KHNYN: variants seen among roughly 807,000 people sequenced by gnomAD.
KHNYN encodes protein KHNYN.
Under a neutral mutation model 62.7 loss-of-function variants are expected in KHNYN, and 42 were observed. The observed-to-expected ratio is 0.67, with a 90% CI of 0.52 to 0.87. KHNYN has a LOEUF of 0.87. KHNYN is among the 40% of genes least tolerant of loss of function. The probability of loss-of-function intolerance (pLI) is 0.00; values close to 1 mark genes in which losing one functional copy is unlikely to be tolerated. For missense variants in KHNYN, 829 were observed against 874.1 expected (o/e 0.95, Z 0.65); for synonymous variants, 347 against 345.6 (o/e 1.00, Z -0.04).
Position 24,440,376 on chromosome 14 carries a change from C to T in KHNYN, c.*3091C>T. 5 of 1,614,006 alleles carry T rather than the reference C, an allele frequency of 3.1e-6. No homozygotes were observed. In the East Asian group the frequency reaches 1.1e-4, roughly 36 times the overall value. ...GCATGGGTCAGGATTCCTGCCAGGT[C>T]CCCGATGTGTATCCAGGGGAAGAAT... On this transcript the variant is annotated 3_prime_UTR_variant, in exon 8 of 8. Transcript: ENST00000553935.
chr14:24,436,215 T>C (rs2043201905), intron 6 of KHNYN, 36 bp downstream of exon 6: 1 of 1,565,948 alleles, frequency 6.4e-7, no homozygotes, highest in South Asian at 1.1e-5. Context: ...TGGGCACAGA[T>C]GCAGATGTTT....
chr14:24,440,093 A>G lies in KHNYN; in HGVS notation c.*2808A>G, dbSNP rs753273263. ...CTTGCCACGACCTACTTAGGCTACAATTTCCTTTAAGGCAGCCCCTAGCTC... is the reference window on the plus strand; with the variant it reads ...CTTGCCACGACCTACTTAGGCTACAGTTTCCTTTAAGGCAGCCCCTAGCTC... On this transcript the variant is annotated 3_prime_UTR_variant, in exon 8 of 8. Transcript: ENST00000553935. 8.8e-6 allele frequency: 14 copies of G among 1,598,160 alleles called. No individual in the cohort carries two copies. Among genetic ancestry groups the G allele is most frequent in the South Asian group, 1.1e-5 (1 of 89,730 alleles).
rs2043329243 is a variant in KHNYN, at chr14:24,441,217, C to CT, written c.*3933dup. 1 of 509,124 alleles carries CT rather than the reference C, an allele frequency of 2.0e-6. No individual in the cohort carries two copies. Among genetic ancestry groups the CT allele is most frequent in the African/African-American group, 1.9e-5 (1 of 51,922 alleles). 31.5% of individuals were successfully genotyped at this position (509,124 alleles called of 1,614,324 possible). The stretch of plus-strand genomic sequence containing the variant: ...ATCAGCTCCCTCATTTATTAACTCT[C>CT]TGACTTGATGCAAGTTACTTAACCT... On this transcript the variant is annotated 3_prime_UTR_variant, in exon 8 of 8. Transcript: ENST00000553935.
chr14:24,437,145 C>G lies in KHNYN; in HGVS notation c.1897C>G (p.Arg633Gly). 5 of 1,614,176 alleles carry G rather than the reference C, an allele frequency of 3.1e-6. No homozygotes were observed. The highest frequency in any genetic ancestry group is 1.1e-5 in the South Asian group (1 of 91,074). ...AGGTAGTGGTGGCATTCGGAAGACC[C>G]GGGAAACAGAGCGGCTCCGGCGGCA... ...EKGSGGIRKT[R>G]ETERLRRQLL... Residue 633 changes from arginine to glycine, a missense_variant, in exon 8 of 8, where the codon CGG (arginine) becomes GGG (glycine). By Grantham distance (125) the Arg-to-Gly change is moderately radical (BLOSUM62 -2). Transcript: ENST00000553935. The surrounding 1 kb of genome is among the most constrained non-coding windows in gnomAD (Gnocchi z 5.5).
At chr14:24,427,373 C>T (rs192378830), upstream of KHNYN, 18 of 200,152 alleles carry the variant, frequency 9.0e-5, no homozygotes, top group Admixed American at 2.7e-4. The surrounding 1 kb of genome is among the most constrained non-coding windows in gnomAD (Gnocchi z 4.4). Flanking sequence ...CTGCAGGGTA[C>T]GCTGAGGCTT....
the KHNYN span, among the ~76,000 whole-genome samples, chr14:24,423,875 A>C: frequency 6.6e-6 from 1 of 152,248 alleles, no homozygotes; most frequent in Non-Finnish European, 1.5e-5. Context: ...GGAGAGGACC[A>C]CACACCATCA....
upstream of KHNYN, among the ~76,000 whole-genome samples, chr14:24,425,016 A>G (rs943091112): frequency 2.0e-5 from 3 of 152,214 alleles, no homozygotes; most frequent in African/African-American, 7.2e-5. Context: ...CCTGGACAAC[A>G]TGGCGAAACC....
At position 24,432,261 on chromosome 14, in the gene KHNYN, A is replaced by C; in HGVS notation, c.1000A>C (p.Arg334=). Residue 334 remains arginine, a synonymous_variant, in exon 3 of 8, where the codon AGG becomes CGG. Coordinates refer to ENST00000553935, the MANE Select transcript of KHNYN (RefSeq NM_015299.3). The surrounding 1 kb of genome is among the most constrained non-coding windows in gnomAD (Gnocchi z 5.6). The stretch of plus-strand genomic sequence containing the variant: ...TCCCGGTGCCCATGGCTCCTGTCAC[A>C]GGGCAGCTCAGTCCCGAGGAGCCTC... ...EPPGAHGSCH[R]AAQSRGASLL... is the part of the protein sequence containing the mutation. 6.2e-7 allele frequency: 1 copy of C among 1,612,476 alleles called. No homozygotes were observed. The highest frequency in any genetic ancestry group is 8.5e-7 in the Non-Finnish European group (1 of 1,179,026).
At chr14:24,423,541 GA>G in the KHNYN span, among the ~76,000 whole-genome samples, 2 of 152,192 alleles carry the variant, frequency 1.3e-5, no homozygotes, top group Non-Finnish European at 2.9e-5. Context: ...CAGTGAGGTG[GA>G]AGGTGAGGCT....
rs1446646656 is a variant in KHNYN, at chr14:24,440,614, T to G, written c.*3329T>G. Reference sequence around the variant, plus strand: ...TGCTGACTTGGCTCTGTAACAGAAGTGAGCAGTATGGCTGTCTTTAAGACC... The same window carrying G: ...TGCTGACTTGGCTCTGTAACAGAAGGGAGCAGTATGGCTGTCTTTAAGACC... On this transcript the variant is annotated 3_prime_UTR_variant, in exon 8 of 8. Coordinates refer to ENST00000553935, the MANE Select transcript of KHNYN (RefSeq NM_015299.3). The G allele has an allele frequency of 7.3e-7, 1 of 1,374,794 alleles. No individual in the cohort carries two copies. Among genetic ancestry groups the G allele is most frequent in the Non-Finnish European group, 1.0e-6 (1 of 997,148 alleles). The allele number at this position is 1,374,794 out of a possible 1,614,324, so 85.2% of individuals were successfully genotyped here. A position where few individuals can be genotyped will look rare whatever the true frequency, so the allele number is the denominator to read the frequency against.
intron 6 of KHNYN, 87 bp from the exon 7 acceptor site, chr14:24,436,301 C>A: frequency 1.4e-6 from 2 of 1,423,050 alleles, no homozygotes; most frequent in Non-Finnish European, 2.0e-6. Context: ...AGGATGGAGC[C>A]AGCAGCTTCT....
Position 24,431,332 on chromosome 14 carries a change from T to C in KHNYN, c.202-131T>C, listed in dbSNP as rs1299808095. Reference sequence around the variant, plus strand: ...TTTGTGATGGGAGTCTCAGTTTCCTTATCTCTAAAATGGGAATAACATCAT... The same window carrying C: ...TTTGTGATGGGAGTCTCAGTTTCCTCATCTCTAAAATGGGAATAACATCAT... On this transcript the variant is annotated intron_variant, in intron 2 of 7. Coordinates refer to ENST00000553935, the MANE Select transcript of KHNYN (RefSeq NM_015299.3). 5.6e-6 allele frequency: 4 copies of C among 712,672 alleles called. No individual in the cohort carries two copies. In the African/African-American group the frequency reaches 7.2e-5, roughly 13 times the overall value. The allele number at this position is 712,672 out of a possible 1,614,324, so 44.1% of individuals were successfully genotyped here. A position where few individuals can be genotyped will look rare whatever the true frequency, so the allele number is the denominator to read the frequency against.
At chr14:24,427,010 T>C (rs1334441167), upstream of KHNYN, 1 of 152,204 alleles carries the variant, frequency 6.6e-6, no homozygotes, top group Non-Finnish European at 1.5e-5. This position sits in a 1 kb window ranked among gnomAD's most constrained non-coding sequence, Gnocchi z 4.4. Flanking sequence ...ATCGATGTTT[T>C]CCATGGTCCA....
In KHNYN at chr14:24,440,238, G is replaced by A; in HGVS notation, c.*2953G>A. 2 of 1,613,920 alleles carry A rather than the reference G, an allele frequency of 1.2e-6. No individual in the cohort carries two copies. Among genetic ancestry groups the A allele is most frequent in the South Asian group, 1.1e-5 (1 of 91,084 alleles). On this transcript the variant is annotated 3_prime_UTR_variant, in exon 8 of 8. Transcript: ENST00000553935. ...GCTTGCACCACAGCGCTGGGGAGAGGGATGAAGGCTCGGCGGCCCAGGGCA... is the reference window on the plus strand; with the variant it reads ...GCTTGCACCACAGCGCTGGGGAGAGAGATGAAGGCTCGGCGGCCCAGGGCA...
upstream of KHNYN, chr14:24,427,235 C>T (rs891457321): frequency 3.8e-5 from 6 of 159,830 alleles, no homozygotes; most frequent in Non-Finnish European, 8.2e-5. The surrounding 1 kb of genome is among the most constrained non-coding windows in gnomAD (Gnocchi z 4.4). Context: ...TCACCAGCCA[C>T]AGACTCCAGG....
chr14:24,425,043 T>C (rs2043006441), upstream of KHNYN, among the ~76,000 whole-genome samples: 1 of 152,006 alleles, frequency 6.6e-6, no homozygotes, highest in African/African-American at 2.4e-5. Context: ...TTACTAAAAA[T>C]ACAAAAAATT....
At position 24,440,004 on chromosome 14, in the gene KHNYN, C is replaced by T; in HGVS notation, c.*2719C>T. ...CTAAGAACCAGATGGCTTCAGCTCT[C>T]TAGAGGAGCTGAGCCTATTCACAGT... On this transcript the variant is annotated 3_prime_UTR_variant, in exon 8 of 8. Transcript: ENST00000553935. 8.2e-7 allele frequency: 1 copy of T among 1,218,034 alleles called. No individual in the cohort carries two copies. Among genetic ancestry groups the T allele is most frequent in the Non-Finnish European group, 1.1e-6 (1 of 878,860 alleles). 75.5% of individuals were successfully genotyped at this position (1,218,034 alleles called of 1,614,324 possible).
chr14:24,436,136 C>T lies in KHNYN; in HGVS notation c.1642C>T (p.Leu548=). 6.2e-7 allele frequency: 1 copy of T among 1,614,166 alleles called. No homozygotes were observed. Among genetic ancestry groups the T allele is most frequent in the Non-Finnish European group, 8.5e-7 (1 of 1,180,020 alleles). Residue 548 remains leucine (L), a synonymous_variant, in exon 6 of 8, where the codon CTG becomes TTG. Coordinates refer to ENST00000553935, the MANE Select transcript of KHNYN (RefSeq NM_015299.3). ...TGTCTCCAATGACCAGTTCCGGGAC[C>T]TGGCGGAGGAGTCTGAGAAGTGGAT... The part of the protein sequence containing the change: ...IIVSNDQFRD[L]AEESEKWMAI...
chr14:24,428,300 G>T (rs745600854), upstream of KHNYN: 2 of 1,613,878 alleles, frequency 1.2e-6, no homozygotes, highest in Non-Finnish European at 1.7e-6. Context: ...ACAGTTTGGC[G>T]GTTGTACACC....
Sources: gnomAD v4.1 joint callset for allele counts (sites outside exome capture counted in the v4.1 genomes callset) on GRCh38, gnomAD v4.1.1 for gene constraint, Gnocchi (gnomAD v3.1) non-coding constraint, MANE v1.5 for transcripts, NCBI Gene and HGNC (gene_info 2026-07-23, HGNC 2026-07-21) for gene names.